PTPRT: variants seen among roughly 807,000 people sequenced by gnomAD.
PTPRT encodes receptor-type tyrosine-protein phosphatase T.
PTPRT carries 56 observed loss-of-function variants against 176.8 expected under a neutral mutation model. The ratio of observed to expected loss-of-function variants is 0.32; its 90% CI spans 0.26 to 0.40. The LOEUF is 0.40. Ranked by LOEUF, PTPRT falls within the 10% of genes least tolerant of loss-of-function variation. PTPRT has a pLI of 1.00. For missense variants in PTPRT, 1,540 were observed against 1,908.2 expected, an observed-to-expected ratio of 0.81 and a Z score of 3.60; for synonymous variants, 783 against 739.0, an observed-to-expected ratio of 1.06 and a Z score of -0.96.
At chr20:42,847,576 A>G (rs1003871620) in intron 2 of PTPRT, among the ~76,000 whole-genome samples, 1 of 152,184 alleles carries the variant, frequency 6.6e-6, no homozygotes, top group African/African-American at 2.4e-5. Flanking sequence ...ATGGGCATCA[A>G]CTTGGATATA....
chr20:42,706,808 G>A (rs2076066975), intron 6 of PTPRT, among the ~76,000 whole-genome samples: 1 of 152,190 alleles, frequency 6.6e-6, no homozygotes, highest in South Asian at 2.1e-4. Flanking sequence ...ATATGTTGAA[G>A]TCCTAACCCT....
chr20:42,662,001 A>T (rs938302776), intron 7 of PTPRT, among the ~76,000 whole-genome samples: 1 of 152,182 alleles, frequency 6.6e-6, no homozygotes, highest in Non-Finnish European at 1.5e-5. Flanking sequence ...CAAGCTCTTG[A>T]TAGAGTGAGC....
At chr20:42,945,809 T>G (rs1385881106) in intron 1 of PTPRT, among the ~76,000 whole-genome samples, 1 of 151,984 alleles carries the variant, frequency 6.6e-6, no homozygotes, top group African/African-American at 2.4e-5. Context: ...CAATCACACT[T>G]CTATCTAGTT....
At chr20:42,408,385 C>T (rs887618444) in intron 9 of PTPRT, among the ~76,000 whole-genome samples, 4 of 151,612 alleles carry the variant, frequency 2.6e-5, no homozygotes, top group South Asian at 4.2e-4. Context: ...AAAACCCGTG[C>T]GTGTGTGTGT....
At chr20:42,700,442 C>T (rs1342405238) in intron 6 of PTPRT, among the ~76,000 whole-genome samples, 4 of 152,122 alleles carry the variant, frequency 2.6e-5, no homozygotes, top group African/African-American at 4.8e-5. Flanking sequence ...GACTACACCG[C>T]GGATATTTTC....
intron 1 of PTPRT, among the ~76,000 whole-genome samples, chr20:43,102,284 T>TCACACACACACACACACACACACA (rs57029983): frequency 7.1e-6 from 1 of 140,452 alleles, no homozygotes; most frequent in African/African-American, 2.7e-5. Flanking sequence ...CACTCACACA[T>TCACACACACACACACACACACACA]CACACACACA....
intron 6 of PTPRT, among the ~76,000 whole-genome samples, chr20:42,684,505 C>T (rs75768417): frequency 0.019 from 2,819 of 152,138 alleles, 92 homozygotes; most frequent in African/African-American, 0.063. Flanking sequence ...ACAAGAAGTA[C>T]GATGTTGTAG....
chr20:42,788,145 T>G (rs2077319000), intron 3 of PTPRT, among the ~76,000 whole-genome samples: 1 of 152,040 alleles, frequency 6.6e-6, no homozygotes, highest in African/African-American at 2.4e-5. Context: ...GACTCTGCTT[T>G]TAGCCACTTT....
At chr20:42,851,697 G>T (rs140513792) in intron 2 of PTPRT, among the ~76,000 whole-genome samples, 1 of 152,272 alleles carries the variant, frequency 6.6e-6, no homozygotes, top group East Asian at 1.9e-4. Context: ...CAACCATATC[G>T]TCTCTTTTGC....
chr20:42,358,722 C>G (rs1468188887), intron 9 of PTPRT, among the ~76,000 whole-genome samples: 1 of 152,164 alleles, frequency 6.6e-6, no homozygotes, highest in African/African-American at 2.4e-5. Context: ...TCAGTCTCAG[C>G]CCCCTGTACT....
chr20:42,729,595 G>A (rs968544046), intron 6 of PTPRT, among the ~76,000 whole-genome samples: 6 of 152,200 alleles, frequency 3.9e-5, no homozygotes, highest in South Asian at 2.1e-4. Flanking sequence ...CGTGAAAGGT[G>A]AGGCCATGGC....
At chr20:42,408,513 C>T (rs944296773) in intron 9 of PTPRT, among the ~76,000 whole-genome samples, 2 of 151,818 alleles carry the variant, frequency 1.3e-5, no homozygotes, top group Non-Finnish European at 2.9e-5. Flanking sequence ...GGCATGCAGT[C>T]AGGGAATCTA....
At chr20:42,941,788 A>C (rs1178916587) in intron 1 of PTPRT, among the ~76,000 whole-genome samples, 1 of 152,196 alleles carries the variant, frequency 6.6e-6, no homozygotes, top group East Asian at 1.9e-4. Context: ...AGGAACTATT[A>C]GCAAAATGGA....
intron 2 of PTPRT, among the ~76,000 whole-genome samples, chr20:42,844,340 T>C (rs2078331102): frequency 6.6e-6 from 1 of 152,100 alleles, no homozygotes; most frequent in Non-Finnish European, 1.5e-5. Flanking sequence ...AAGAGAAAAA[T>C]GAGAACTCCT....
intron 6 of PTPRT, among the ~76,000 whole-genome samples, chr20:42,723,144 A>G (rs532188935): frequency 6.6e-6 from 1 of 152,356 alleles, no homozygotes; most frequent in South Asian, 2.1e-4. Flanking sequence ...AAATGTATAT[A>G]GAGTGCTTAG....
intron 7 of PTPRT, among the ~76,000 whole-genome samples, chr20:42,637,441 C>T (rs2074629623): frequency 6.6e-6 from 1 of 150,654 alleles, no homozygotes; most frequent in African/African-American, 2.4e-5. Context: ...CAAGCTTGTT[C>T]CCCCCTCACA....
intron 4 of PTPRT, among the ~76,000 whole-genome samples, chr20:42,775,794 A>G (rs2077126877): frequency 6.6e-6 from 1 of 152,232 alleles, no homozygotes; most frequent in South Asian, 2.1e-4. Flanking sequence ...AACTCTGACC[A>G]TATGTTAATA....
chr20:42,419,411 T>C (rs1600992545), intron 9 of PTPRT, among the ~76,000 whole-genome samples: 1 of 152,158 alleles, frequency 6.6e-6, no homozygotes, highest in East Asian at 1.9e-4. Context: ...AGGTTAGATT[T>C]TGGGGGAAAC....
intron 7 of PTPRT, among the ~76,000 whole-genome samples, chr20:42,537,226 A>C (rs1222070207): frequency 6.6e-6 from 1 of 152,166 alleles, no homozygotes; most frequent in Non-Finnish European, 1.5e-5. Context: ...TATACATTAC[A>C]CTGTTAAGAG....
Sources: gnomAD v4.1 joint callset for allele counts (sites outside exome capture counted in the v4.1 genomes callset) on GRCh38, gnomAD v4.1.1 for gene constraint, MANE v1.5 for transcripts, NCBI Gene and HGNC (gene_info 2026-07-23, HGNC 2026-07-21) for gene names.